Variants in FADS6 observed in about 807,000 individuals in gnomAD.
The protein encoded by FADS6 is fatty acid desaturase 6, also known as fatty acid desaturase domain family, member 6.
FADS6 carries 28 observed loss-of-function variants against 31.7 expected under a neutral mutation model. The ratio of observed to expected loss-of-function variants is 0.88; its 90% confidence interval spans 0.66 to 1.21. The LOEUF (loss-of-function observed/expected upper bound fraction) is 1.21. Ranked by LOEUF, FADS6 falls within the 50% of genes most tolerant of loss-of-function variation. The pLI is 0.00. For missense variants in FADS6, 494 were observed against 504.2 expected (o/e 0.98, Z 0.19); for synonymous variants, 191 against 213.1 (o/e 0.90, Z 0.90).
chr17:74,892,750 T>G, intron 1 of FADS6, 61 bp from the exon 2 acceptor site: 24 of 1,469,560 alleles, frequency 1.6e-5, no homozygotes, highest in Non-Finnish European at 1.9e-5. Flanking sequence ...TGGGCCCAAA[T>G]ACCTCAACCC....
At chr17:74,888,140 A>ACG (rs1425081128) in intron 2 of FADS6, among the ~76,000 whole-genome samples, 69 of 111,312 alleles carry the variant, frequency 6.2e-4, no homozygotes, top group East Asian at 1.8e-3. Flanking sequence ...ACACACACAC[A>ACG]CACACACACA....
At chr17:74,887,043 G>A (rs1032538411) in intron 2 of FADS6, among the ~76,000 whole-genome samples, 4 of 145,682 alleles carry the variant, frequency 2.7e-5, no homozygotes, top group East Asian at 2.0e-4. Flanking sequence ...GCATGCACAC[G>A]CACACACACT....
rs1396048498 is a variant in FADS6 at position 74,893,473 on chromosome 17, G to A, written c.123C>T (p.Gly41=). Residue 41 remains glycine, a synonymous_variant, in exon 1 of 6, where the codon GGC becomes GGT. Transcript: ENST00000612771. Reference sequence around the variant, plus strand: ...CCTCCAGCTCCCGCAGCAGCGCCTCGCCCCCACGGTGCGCGCTCCGCGCCG... The same window carrying A: ...CCTCCAGCTCCCGCAGCAGCGCCTCACCCCCACGGTGCGCGCTCCGCGCCG... ...MEPARSAHRG[G]EALLRELEVL... is the part of the protein sequence containing the mutation. 2 of 1,571,080 alleles carry A rather than the reference G, an allele frequency of 1.3e-6. No homozygotes were observed. The highest frequency in any genetic ancestry group is 1.5e-5 in the African/African-American group (1 of 67,620).
intron 2 of FADS6, among the ~76,000 whole-genome samples, chr17:74,884,571 G>T (rs915651453): frequency 6.6e-6 from 1 of 152,172 alleles, no homozygotes; most frequent in African/African-American, 2.4e-5. Flanking sequence ...GCCTCAGGAC[G>T]CTTGCAATCA....
At chr17:74,887,310 C>G (rs1482423148) in intron 2 of FADS6, among the ~76,000 whole-genome samples, 2 of 152,190 alleles carry the variant, frequency 1.3e-5, no homozygotes, top group African/African-American at 2.4e-5. Context: ...GTCTCAAACT[C>G]CTGGGCTCAA....
chr17:74,881,336 G>A (rs1343140558), intron 3 of FADS6, 81 bp from the exon 4 acceptor site: 23 of 1,360,578 alleles, frequency 1.7e-5, no homozygotes, highest in Non-Finnish European at 2.3e-5. Context: ...TAAAGCAGTG[G>A]CGGAGGCCAG....
At chr17:74,891,433 T>C (rs2038687808) in intron 2 of FADS6, among the ~76,000 whole-genome samples, 1 of 152,046 alleles carries the variant, frequency 6.6e-6, no homozygotes, top group African/African-American at 2.4e-5. Flanking sequence ...GCCCAATGTC[T>C]CCCTTGCCTC....
At chr17:74,875,546 A>C (rs2038502366), downstream of FADS6, among the ~76,000 whole-genome samples, 1 of 152,270 alleles carries the variant, frequency 6.6e-6, no homozygotes. Flanking sequence ...ATCTGGCACC[A>C]GTGCCTTCAG....
chr17:74,877,753 C>T lies in FADS6; in HGVS notation c.*578G>A. On this transcript the variant is annotated 3_prime_UTR_variant, in exon 6 of 6. Coordinates refer to ENST00000612771, the MANE Select transcript of FADS6 (RefSeq NM_178128.6). ...CTTGCTGATACTGTGGCCTGGGGAA[C>T]TGCTGAGCCAGTGTCTTGCACAGGT... 7.1e-6 allele frequency: 7 copies of T among 985,634 alleles called. No individual in the cohort carries two copies. The highest frequency in any genetic ancestry group is 8.4e-6 in the Non-Finnish European group (7 of 830,072). The allele number at this position is 985,634 out of a possible 1,614,324, so 61.1% of individuals were successfully genotyped here.
In FADS6 at chr17:74,877,795, C is replaced by G. The variant is rs1004543294; in HGVS notation, c.*536G>C. 2 of 985,876 alleles carry G rather than the reference C, an allele frequency of 2.0e-6. No homozygotes were observed. Among genetic ancestry groups the G allele is most frequent in the Non-Finnish European group, 2.4e-6 (2 of 830,398 alleles). The allele number at this position is 985,876 out of a possible 1,614,324, so 61.1% of individuals were successfully genotyped here. On this transcript the variant is annotated 3_prime_UTR_variant, in exon 6 of 6. Transcript: ENST00000612771. ...TGCACAGGTTCCTTTGGCTGAGGAT[C>G]GAGGAAGGCCTGCCAAAAGCAAGCT...
chr17:74,879,677 G>T, intron 4 of FADS6, 94 bp from the exon 5 acceptor site: 1 of 1,333,526 alleles, frequency 7.5e-7, no homozygotes, highest in Non-Finnish European at 1.0e-6. Context: ...GGGTTCTTGT[G>T]TCACCCACCT....
chr17:74,893,203 C>T, intron 1 of FADS6, 149 bp downstream of exon 1: 1 of 899,424 alleles, frequency 1.1e-6, no homozygotes, highest in Non-Finnish European at 1.6e-6. Flanking sequence ...GGGTGCGGGG[C>T]CCCGACCACC....
At chr17:74,889,893 A>AAAAAAAAC (rs2038670077) in intron 2 of FADS6, among the ~76,000 whole-genome samples, 1 of 151,158 alleles carries the variant, frequency 6.6e-6, no homozygotes, top group Non-Finnish European at 1.5e-5. Context: ...AAAAAAAAAA[A>AAAAAAAAC]AAGACAAAGC....
chr17:74,890,447 G>A (rs1038496473), intron 2 of FADS6, among the ~76,000 whole-genome samples: 31 of 152,132 alleles, frequency 2.0e-4, no homozygotes, highest in African/African-American at 7.5e-4. Flanking sequence ...GTCAGTCGGA[G>A]GCTTGAGTAA....
At chr17:74,889,527 C>G (rs1328223443) in intron 2 of FADS6, among the ~76,000 whole-genome samples, 1 of 150,804 alleles carries the variant, frequency 6.6e-6, no homozygotes, top group Admixed American at 6.6e-5. Flanking sequence ...GCTTTGCAAA[C>G]TTGCAGTTAA....
At chr17:74,888,175 G>C (rs1241068819) in intron 2 of FADS6, among the ~76,000 whole-genome samples, 3 of 144,220 alleles carry the variant, frequency 2.1e-5, no homozygotes, top group East Asian at 2.0e-4. Flanking sequence ...CGCGCGCGCA[G>C]AGTACCAATG....
downstream of FADS6, among the ~76,000 whole-genome samples, chr17:74,875,900 A>G (rs1027670630): frequency 1.1e-4 from 16 of 152,236 alleles, no homozygotes; most frequent in African/African-American, 3.9e-4. Flanking sequence ...GGCGTGATTG[A>G]GGACAGTTTA....
downstream of FADS6, among the ~76,000 whole-genome samples, chr17:74,876,690 G>A (rs1215147925): frequency 1.3e-5 from 2 of 152,128 alleles, no homozygotes; most frequent in Admixed American, 6.5e-5. Flanking sequence ...CCAGCTACTC[G>A]GGAGGCTGAA....
intron 2 of FADS6, among the ~76,000 whole-genome samples, chr17:74,883,465 T>C (rs1275504848): frequency 6.6e-6 from 1 of 152,170 alleles, no homozygotes; most frequent in Non-Finnish European, 1.5e-5. Context: ...ATGCTGCCTG[T>C]TTCTGGAACG....
Sources: gnomAD v4.1 joint callset for allele counts (sites outside exome capture counted in the v4.1 genomes callset) on GRCh38, gnomAD v4.1.1 for gene constraint, MANE v1.5 for transcripts, NCBI Gene and HGNC (gene_info 2026-07-23, HGNC 2026-07-21) for gene names.